The following CNTN4 variants were observed in gnomAD, a reference collection of about 807,000 sequenced individuals.
CNTN4 encodes contactin 4.
Under a neutral mutation model 122.5 loss-of-function variants are expected in CNTN4, and 77 were observed. The observed-to-expected ratio is 0.63, with a 90% CI of 0.52 to 0.76. The LOEUF is 0.76. Ranked by LOEUF, CNTN4 falls within the 30% of genes least tolerant of loss-of-function variation. The pLI, the probability that CNTN4 is intolerant of heterozygous loss-of-function variation, is 0.00. For synonymous variants in CNTN4, 512 were observed against 447.0 expected, an observed-to-expected ratio of 1.15 and a Z score of -1.83; for missense variants, 1,256 against 1,259.1, an observed-to-expected ratio of 1.00 and a Z score of 0.04.
intron 3 of CNTN4, among the ~76,000 whole-genome samples, chr3:2,522,535 A>C (rs2077259048): frequency 1.3e-5 from 2 of 152,062 alleles, no homozygotes; most frequent in Non-Finnish European, 1.5e-5. Flanking sequence ...ATTTTTTCTC[A>C]TGTTAATTTG....
intron 5 of CNTN4, among the ~76,000 whole-genome samples, chr3:2,740,773 T>A (rs1195164261): frequency 6.6e-6 from 1 of 152,198 alleles, no homozygotes; most frequent in Non-Finnish European, 1.5e-5. Flanking sequence ...TGAACTGAGA[T>A]AAGTAATTTT....
intron 2 of CNTN4, among the ~76,000 whole-genome samples, chr3:2,159,873 C>G (rs977312568): frequency 1.3e-5 from 2 of 150,980 alleles, no homozygotes; most frequent in East Asian, 1.9e-4. Context: ...AAACCTTGCC[C>G]TCATTTCTGT....
chr3:2,830,892 G>A (rs2093089894), intron 7 of CNTN4, among the ~76,000 whole-genome samples: 1 of 152,184 alleles, frequency 6.6e-6, no homozygotes, highest in Non-Finnish European at 1.5e-5. Context: ...GCAGTACATA[G>A]AATAAGGAAA....
At position 2,866,838 on chromosome 3, in the gene CNTN4, A is replaced by G; in HGVS notation, c.541A>G (p.Ile181Val). 6.2e-7 allele frequency: 1 copy of G among 1,613,966 alleles called. No individual in the cohort carries two copies. Among genetic ancestry groups the G allele is most frequent in the Non-Finnish European group, 8.5e-7 (1 of 1,179,880 alleles). The change falls in exon 8 of 25, where the codon ATT becomes GTT. Residue 181 changes from isoleucine to valine, a missense_variant. Ile to Val is a conservative substitution (Grantham distance 29). Coordinates refer to ENST00000418658, the MANE Select transcript of CNTN4 (RefSeq NM_175607.3). ...TTCTCAAGAGACTGGGAATCTGTAT[A>G]TTGCCAAAGTAGAAAAATCAGATGT... Reference protein sequence around the residue: ...FVSQETGNLYIAKVEKSDVGN... With the variant: ...FVSQETGNLYVAKVEKSDVGN...
At chr3:2,418,969 C>T (rs1445343828) in intron 3 of CNTN4, among the ~76,000 whole-genome samples, 2 of 152,148 alleles carry the variant, frequency 1.3e-5, no homozygotes, top group East Asian at 1.9e-4. Flanking sequence ...GGCACTGATG[C>T]CCAAAAAGAT....
intron 3 of CNTN4, among the ~76,000 whole-genome samples, chr3:2,425,572 A>G (rs2047794507): frequency 6.6e-6 from 1 of 152,254 alleles, no homozygotes; most frequent in East Asian, 1.9e-4. Context: ...TTGGTTCCAT[A>G]TGAACTTTAA....
rs142257351 is a variant in CNTN4, at chr3:2,336,157, G to A, written c.-144-3021G>A. Among the ~76,000 whole-genome samples, 110 of 152,154 alleles carry A rather than the reference G, an allele frequency of 7.2e-4. 1 individual carries two copies. Among genetic ancestry groups the A allele is most frequent in the African/African-American group, 2.3e-3 (96 of 41,512 alleles). On this transcript the variant is annotated intron_variant, in intron 2 of 24. Coordinates refer to ENST00000418658, the MANE Select transcript of CNTN4 (RefSeq NM_175607.3). ...CTGAGAGGTTATGGTTTTGTTAAAA[G>A]GATTATTTCAAAAGTAATATTCTCT...
intron 3 of CNTN4, among the ~76,000 whole-genome samples, chr3:2,365,308 G>T (rs1427570930): frequency 1.3e-5 from 2 of 152,060 alleles, no homozygotes; most frequent in African/African-American, 4.8e-5. Flanking sequence ...CCCTCATGTG[G>T]GCAAAAGTCA....
At chr3:2,892,832 G>A (rs1246238070) in intron 10 of CNTN4, among the ~76,000 whole-genome samples, 1 of 152,090 alleles carries the variant, frequency 6.6e-6, no homozygotes. Flanking sequence ...CAACTGCTGG[G>A]GCCAACCCTT....
At position 2,963,289 on chromosome 3, in the gene CNTN4, A is replaced by G. The variant is rs115534413; in HGVS notation, c.1359-25056A>G. ...CTCGCTCGTATTACCTCTTACTGAG[A>G]CTCAATTTCCCTTTTATAGATATTT... On this transcript the variant is annotated intron_variant, in intron 13 of 24. Coordinates refer to ENST00000418658, the MANE Select transcript of CNTN4 (RefSeq NM_175607.3). Among the ~76,000 whole-genome samples, 238 of 152,070 alleles carry G rather than the reference A, an allele frequency of 1.6e-3. 1 individual carries two copies. The highest frequency in any genetic ancestry group is 5.4e-3 in the African/African-American group (224 of 41,468).
At chr3:2,953,825 G>C (rs2094771589) in intron 13 of CNTN4, among the ~76,000 whole-genome samples, 1 of 152,150 alleles carries the variant, frequency 6.6e-6, no homozygotes, top group African/African-American at 2.4e-5. Context: ...GAATCACCTA[G>C]AGGGATTCAT....
At chr3:2,911,798 C>T (rs2094303023) in intron 12 of CNTN4, among the ~76,000 whole-genome samples, 1 of 151,956 alleles carries the variant, frequency 6.6e-6, no homozygotes, top group African/African-American at 2.4e-5. Flanking sequence ...GAATATAGTA[C>T]TCAATTTACT....
At chr3:2,554,606 A>G (rs1034079658) in intron 3 of CNTN4, among the ~76,000 whole-genome samples, 8 of 152,130 alleles carry the variant, frequency 5.3e-5, no homozygotes, top group African/African-American at 1.9e-4. Context: ...TAGTAAATAT[A>G]TATATTTTTT....
intron 3 of CNTN4, among the ~76,000 whole-genome samples, chr3:2,471,160 C>T (rs574370433): frequency 6.6e-6 from 1 of 152,272 alleles, no homozygotes; most frequent in African/African-American, 2.4e-5. Context: ...TTATCGAGTT[C>T]CCCATCACCC....
At chr3:2,785,431 G>A (rs1324847892) in intron 6 of CNTN4, among the ~76,000 whole-genome samples, 5 of 152,246 alleles carry the variant, frequency 3.3e-5, no homozygotes, top group Middle Eastern at 3.4e-3. Context: ...ATTGAATGAT[G>A]CCAACCACAT....
intron 2 of CNTN4, among the ~76,000 whole-genome samples, chr3:2,320,562 G>A (rs1033782405): frequency 5.9e-5 from 9 of 152,050 alleles, no homozygotes; most frequent in African/African-American, 1.7e-4. Context: ...TAACTTTATT[G>A]GTATAGTTAA....
chr3:2,545,432 A>G (rs1375517145), intron 3 of CNTN4, among the ~76,000 whole-genome samples: 4 of 151,926 alleles, frequency 2.6e-5, no homozygotes, highest in Non-Finnish European at 5.9e-5. Context: ...TTCTACCGCA[A>G]TTATCTGTCT....
intron 3 of CNTN4, among the ~76,000 whole-genome samples, chr3:2,339,768 T>C (rs982651885): frequency 1.3e-5 from 2 of 152,236 alleles, no homozygotes; most frequent in African/African-American, 4.8e-5. Context: ...TGTTTTACTT[T>C]CCTGATGCTG....
chr3:2,219,618 T>G (rs918335647), intron 2 of CNTN4, among the ~76,000 whole-genome samples: 3 of 152,326 alleles, frequency 2.0e-5, no homozygotes, highest in Admixed American at 6.5e-5. Flanking sequence ...AAAGAATCTT[T>G]AATTTAGGCT....
Sources: allele counts gnomAD v4.1 joint callset (sites outside exome capture counted in the v4.1 genomes callset), GRCh38; gene constraint gnomAD v4.1.1; transcripts MANE v1.5; gene names NCBI Gene and HGNC (gene_info 2026-07-23, HGNC 2026-07-21).